C9orf57: variants seen among roughly 807,000 people sequenced by gnomAD.
The protein encoded by C9orf57 is uncharacterized protein C9orf57.
Under a neutral mutation model 12.9 loss-of-function variants are expected in C9orf57, and 12 were observed. That is an observed-to-expected ratio of 0.93 (90% CI 0.60 to 1.51). C9orf57 has a LOEUF of 1.51. Among genes scored for constraint, C9orf57 ranks in the 40% most tolerant of loss-of-function variants. The probability of loss-of-function intolerance (pLI) is 0.00; values close to 1 mark genes in which losing one functional copy is unlikely to be tolerated. For missense variants in C9orf57, 141 were observed against 162.8 expected (o/e 0.87, Z 0.73); for synonymous variants, 49 against 57.1 (o/e 0.86, Z 0.64).
intron 3 of C9orf57, 119 bp from the exon 4 acceptor site, chr9:72,056,315 T>A: frequency 2.5e-6 from 1 of 400,652 alleles, no homozygotes; most frequent in African/African-American, 2.1e-5. Flanking sequence ...TATATATTTA[T>A]GTTATATATA....
rs1000897764 is a variant in C9orf57 at position 72,052,071 on chromosome 9, A to G, written c.*225T>C. On this transcript the variant is annotated 3_prime_UTR_variant, in exon 5 of 5. Transcript: ENST00000651200. Reference sequence around the variant, plus strand: ...GTAAATTAAGCAGAAGGAGGAGAGGAGAGAAATGGTGTTGAAAGGGCTATT... The same window carrying G: ...GTAAATTAAGCAGAAGGAGGAGAGGGGAGAAATGGTGTTGAAAGGGCTATT... The G allele has an allele frequency of 4.2e-6, 2 of 472,844 alleles. No homozygotes were observed. The highest frequency in any genetic ancestry group is 4.0e-5 in the African/African-American group (2 of 49,972). The allele number at this position is 472,844 out of a possible 1,614,324, so 29.3% of individuals were successfully genotyped here.
chr9:72,059,039 A>G (rs1824269768), intron 2 of C9orf57, among the ~76,000 whole-genome samples, 196 bp downstream of exon 2: 1 of 151,988 alleles, frequency 6.6e-6, no homozygotes, highest in African/African-American at 2.4e-5. Flanking sequence ...CACCACGCCC[A>G]GCTAATTTTG....
chr9:72,052,364 T>A lies in C9orf57; in HGVS notation c.352A>T (p.Lys118Ter). 6.4e-7 allele frequency: 1 copy of A among 1,552,064 alleles called. No individual in the cohort carries two copies. Among genetic ancestry groups the A allele is most frequent in the Non-Finnish European group, 8.7e-7 (1 of 1,147,036 alleles). Residue 118 changes from lysine (K) to a stop codon, truncating the protein, a stop_gained, in exon 5 of 5, where the codon AAG (lysine) becomes TAG (stop). Transcript: ENST00000651200. LOFTEE classifies it low-confidence loss of function (END_TRUNC). The stretch of plus-strand genomic sequence containing the variant: ...AGTTCATGCAGTTGCAGAATTCTCT[T>A]GACGAGAGTACTCTTGAAGCACTCT... Reference protein sequence around the residue: ...TSECFKSTLVKRILQLHELVT... With the variant: ...TSECFKSTLV
At chr9:72,053,136 G>A (rs573081811) in intron 4 of C9orf57, among the ~76,000 whole-genome samples, 1 of 152,226 alleles carries the variant, frequency 6.6e-6, no homozygotes, top group African/African-American at 2.4e-5. Context: ...CATTGTTATT[G>A]TCAGAACTGG....
In C9orf57 at chr9:72,056,844, C is replaced by G; in HGVS notation, c.98-1G>C. 3 of 1,550,084 alleles carry G rather than the reference C, an allele frequency of 1.9e-6. No homozygotes were observed. The highest frequency in any genetic ancestry group is 2.6e-6 in the Non-Finnish European group (3 of 1,145,726). ...GGTTTTGTCTGGCAGGTTCCCAGGT[C>G]TAAAAGACATCCATGGAAGGGGATT... On this transcript the variant is annotated splice_acceptor_variant, in intron 2 of 4. Transcript: ENST00000651200. LOFTEE classifies it high-confidence loss of function.
intron 2 of C9orf57, among the ~76,000 whole-genome samples, chr9:72,058,666 G>T (rs1269560222): frequency 6.6e-6 from 1 of 152,166 alleles, no homozygotes; most frequent in East Asian, 1.9e-4. Context: ...GGGTTTACCA[G>T]ATGTTTTCTG....
chr9:72,056,208 G>A lies in C9orf57; in HGVS notation c.158-12C>T, dbSNP rs1285824921. 1.3e-6 allele frequency: 2 copies of A among 1,542,746 alleles called. No individual in the cohort carries two copies. Among genetic ancestry groups the A allele is most frequent in the Non-Finnish European group, 1.8e-6 (2 of 1,141,868 alleles). ...CAAACCTCCAACATCTCCAAGTACA[G>A]GGGCAGAAAAATGAGAAAGTAGTGA... On this transcript the variant is annotated splice_polypyrimidine_tract_variant and intron_variant, in intron 3 of 4. Coordinates refer to ENST00000651200, the MANE Select transcript of C9orf57 (RefSeq NM_001128618.2).
chr9:72,059,162 A>G, intron 2 of C9orf57, 73 bp downstream of exon 2: 1 of 1,532,498 alleles, frequency 6.5e-7, no homozygotes, highest in South Asian at 1.2e-5. Context: ...TACAGGCGTG[A>G]GCCGCCACGC....
At chr9:72,057,361 G>A (rs1348997031) in intron 2 of C9orf57, among the ~76,000 whole-genome samples, 1 of 151,932 alleles carries the variant, frequency 6.6e-6, no homozygotes, top group Admixed American at 6.6e-5. Context: ...GAGTAGCTGG[G>A]ATTACAGGTG....
chr9:72,052,505 G>T, intron 4 of C9orf57, 70 bp from the exon 5 acceptor site: 1 of 1,429,538 alleles, frequency 7.0e-7, no homozygotes, highest in Non-Finnish European at 9.4e-7. Context: ...ATGCTAATAG[G>T]TTAAAAAGAA....
intron 2 of C9orf57, 69 bp from the exon 3 acceptor site, chr9:72,056,912 C>CTTT (rs36059196): frequency 9.9e-4 from 989 of 997,992 alleles, no homozygotes; most frequent in Non-Finnish European, 1.1e-3. Flanking sequence ...TATATGTATA[C>CTTT]TTTTTTTTTT....
Position 72,059,298 on chromosome 9 carries a change from A to G in C9orf57, c.34T>C (p.Phe12Leu). 6.4e-7 allele frequency: 1 copy of G among 1,551,736 alleles called. No individual in the cohort carries two copies. The highest frequency in any genetic ancestry group is 8.7e-7 in the Non-Finnish European group (1 of 1,146,998). The change falls in exon 2 of 5, where the codon TTC becomes CTC. Residue 12 changes from phenylalanine to leucine, a missense_variant. Transcript: ENST00000651200. Reference protein sequence around the residue: ...RRIVFAGVILFRLLGVILFRL... With the variant: ...RRIVFAGVILLRLLGVILFRL... The stretch of plus-strand genomic sequence containing the variant: ...AATAAGATAACACCTAAGAGGCGGA[A>G]TAAGATAACACCAGCAAAAACAATC...
At chr9:72,052,904 G>A (rs1389913504) in intron 4 of C9orf57, among the ~76,000 whole-genome samples, 1 of 152,144 alleles carries the variant, frequency 6.6e-6, no homozygotes, top group Non-Finnish European at 1.5e-5. Flanking sequence ...AGTAATGCAT[G>A]ATCACTGTAG....
chr9:72,059,171 G>A (rs988327095), intron 2 of C9orf57, 64 bp downstream of exon 2: 20 of 1,541,326 alleles, frequency 1.3e-5, no homozygotes, highest in African/African-American at 2.7e-5. Flanking sequence ...GAGCCGCCAC[G>A]CTCGGCCCTA....
At chr9:72,059,509 G>C in intron 1 of C9orf57, 125 bp from the exon 2 acceptor site, 1 of 1,202,618 alleles carries the variant, frequency 8.3e-7, no homozygotes, top group East Asian at 2.6e-5. Flanking sequence ...GAAAAATAAG[G>C]TACCTGTCTT....
chr9:72,059,522 T>C (rs1824283886), intron 1 of C9orf57, 138 bp from the exon 2 acceptor site: 8 of 1,127,534 alleles, frequency 7.1e-6, no homozygotes, highest in South Asian at 1.7e-5. Context: ...CCTGTCTTTA[T>C]AAAAAAGTCA....
At chr9:72,052,474 G>A (rs1589298352) in intron 4 of C9orf57, 39 bp from the exon 5 acceptor site, 1 of 1,542,652 alleles carries the variant, frequency 6.5e-7, no homozygotes, top group Non-Finnish European at 8.8e-7. Context: ...TTCTTGGGAG[G>A]TACAACCTAT....
At chr9:72,057,230 T>C (rs935128718) in intron 2 of C9orf57, among the ~76,000 whole-genome samples, 12 of 151,110 alleles carry the variant, frequency 7.9e-5, no homozygotes, top group Non-Finnish European at 1.8e-4. Context: ...CTAACGTAAA[T>C]TATTATTTTT....
rs1019293114 is a variant in C9orf57 at position 72,051,762 on chromosome 9, A to G, written c.*534T>C. On this transcript the variant is annotated 3_prime_UTR_variant, in exon 5 of 5. Transcript: ENST00000651200. ...TCAGCCCTTTCCTGTTTGGGTTCAT[A>G]CTTTTCCCGCAGGCCTGGCTTGCTG... The G allele has an allele frequency of 2.0e-5, 3 of 152,406 alleles. No individual in the cohort carries two copies. Among genetic ancestry groups the G allele is most frequent in the Non-Finnish European group, 4.4e-5 (3 of 68,242 alleles). 9.4% of individuals were successfully genotyped at this position (152,406 alleles called of 1,614,324 possible).
Sources: allele counts gnomAD v4.1 joint callset (sites outside exome capture counted in the v4.1 genomes callset), GRCh38; gene constraint gnomAD v4.1.1; transcripts MANE v1.5; gene names NCBI Gene and HGNC (gene_info 2026-07-23, HGNC 2026-07-21).